Variants in DLG2 observed in about 807,000 individuals in gnomAD.
The protein encoded by DLG2 is disks large homolog 2.
DLG2 carries 45 observed loss-of-function variants against 132.5 expected under a neutral mutation model. The ratio of observed to expected loss-of-function variants is 0.34; its 90% CI spans 0.27 to 0.44. The LOEUF (loss-of-function observed/expected upper bound fraction) is 0.44. Among genes scored for constraint, DLG2 ranks in the 20% least tolerant of loss-of-function variants. The pLI, the probability that DLG2 is intolerant of heterozygous loss-of-function variation, is 1.00. For missense variants in DLG2, 1,045 were observed against 1,196.9 expected (o/e 0.87, Z 1.87); for synonymous variants, 424 against 419.6 (o/e 1.01, Z -0.13).
intron 4 of DLG2, among the ~76,000 whole-genome samples, chr11:85,209,445 CTTTTTTTTTT>C (rs1164394816): frequency 1.3e-5 from 1 of 74,434 alleles, no homozygotes; most frequent in Admixed American, 2.0e-4. Flanking sequence ...AGAAATCAGT[CTTTTTTTTTT>C]TTTTTTTTTT....
chr11:83,822,899 G>T (rs1319300172), intron 17 of DLG2, among the ~76,000 whole-genome samples: 2 of 152,214 alleles, frequency 1.3e-5, no homozygotes, highest in East Asian at 3.9e-4. Flanking sequence ...AGAGGTAAGG[G>T]AGCTTGTCAT....
intron 11 of DLG2, among the ~76,000 whole-genome samples, chr11:84,001,330 A>G (rs1280316294): frequency 6.6e-6 from 1 of 151,470 alleles, no homozygotes; most frequent in Non-Finnish European, 1.5e-5. Flanking sequence ...AAGTAAAAAA[A>G]AAAAAACAGT....
chr11:84,542,732 A>G (rs1365884874), intron 6 of DLG2, among the ~76,000 whole-genome samples: 3 of 152,242 alleles, frequency 2.0e-5, no homozygotes, highest in African/African-American at 7.2e-5. Context: ...AGAAAAAAAC[A>G]GAAAACCAAA....
At chr11:84,469,241 G>A (rs1567715642) in intron 7 of DLG2, among the ~76,000 whole-genome samples, 1 of 151,552 alleles carries the variant, frequency 6.6e-6, no homozygotes, top group Non-Finnish European at 1.5e-5. Flanking sequence ...ATGAGTTTGA[G>A]GAAGAACACA....
chr11:83,663,387 T>A (rs1247545149), intron 18 of DLG2, among the ~76,000 whole-genome samples: 2 of 152,156 alleles, frequency 1.3e-5, no homozygotes, highest in Non-Finnish European at 2.9e-5. Flanking sequence ...TAAGAGTTGT[T>A]TGTATTTCTC....
At chr11:84,527,499 G>T (rs1400079504) in intron 7 of DLG2, among the ~76,000 whole-genome samples, 3 of 151,870 alleles carry the variant, frequency 2.0e-5, no homozygotes, top group Non-Finnish European at 4.4e-5. Context: ...GTTGTCTCAG[G>T]GTATTGAAGT....
At chr11:84,664,216 C>G (rs1395485218) in intron 6 of DLG2, among the ~76,000 whole-genome samples, 1 of 152,124 alleles carries the variant, frequency 6.6e-6, no homozygotes, top group African/African-American at 2.4e-5. Context: ...CTGTGAATGA[C>G]ATTTGTGTAC....
intron 3 of DLG2, among the ~76,000 whole-genome samples, chr11:85,526,404 T>G (rs911604832): frequency 6.6e-6 from 1 of 151,758 alleles, no homozygotes; most frequent in Admixed American, 6.6e-5. Flanking sequence ...TTTAAAGACC[T>G]GACAGAAAAA....
intron 7 of DLG2, among the ~76,000 whole-genome samples, chr11:84,330,982 T>C (rs1255215057): frequency 6.6e-6 from 1 of 152,214 alleles, no homozygotes; most frequent in African/African-American, 2.4e-5. Flanking sequence ...TTACAGATCC[T>C]AAGGAAAGGA....
chr11:84,018,576 A>T (rs1334156100), intron 11 of DLG2, among the ~76,000 whole-genome samples: 1 of 152,026 alleles, frequency 6.6e-6, no homozygotes, highest in Non-Finnish European at 1.5e-5. Flanking sequence ...TACTTGCTTT[A>T]TTATAAAAGG....
chr11:85,390,474 G>C (rs1038540137), intron 3 of DLG2, among the ~76,000 whole-genome samples: 8 of 152,114 alleles, frequency 5.3e-5, no homozygotes, highest in Non-Finnish European at 1.2e-4. Flanking sequence ...AGAAAGAGTG[G>C]ACTTAAAGTA....
intron 6 of DLG2, among the ~76,000 whole-genome samples, chr11:84,758,507 CT>C (rs1246370860): frequency 2.0e-5 from 3 of 152,020 alleles, no homozygotes; most frequent in Admixed American, 2.0e-4. Flanking sequence ...GAACTGATTC[CT>C]TTATATTTTC....
At chr11:83,554,110 C>T (rs1317085579) in intron 19 of DLG2, among the ~76,000 whole-genome samples, 2 of 151,980 alleles carry the variant, frequency 1.3e-5, no homozygotes, top group African/African-American at 4.8e-5. Context: ...TCTTGAGGCC[C>T]TGGGTTCAAG....
chr11:85,337,270 G>C (rs2082197787), intron 3 of DLG2, among the ~76,000 whole-genome samples: 1 of 151,734 alleles, frequency 6.6e-6, no homozygotes. Flanking sequence ...TTTTTGTAGA[G>C]ACAATGTCTC....
At chr11:84,638,762 A>G (rs2099645091) in intron 6 of DLG2, among the ~76,000 whole-genome samples, 1 of 152,148 alleles carries the variant, frequency 6.6e-6, no homozygotes, top group Admixed American at 6.6e-5. Context: ...TTATCTTCAG[A>G]AATTATTAGT....
chr11:84,530,506 C>G (rs181464237), intron 7 of DLG2, among the ~76,000 whole-genome samples: 347 of 152,080 alleles, frequency 2.3e-3, no homozygotes, highest in Non-Finnish European at 3.5e-3. Flanking sequence ...TATATGCAGC[C>G]AAGAAGCATA....
At chr11:83,480,450 GC>G in intron 22 of DLG2, 1 of 1,525,022 alleles carries the variant, frequency 6.6e-7, no homozygotes, top group Non-Finnish European at 8.8e-7. Context: ...GAGATACCAA[GC>G]ATTGAAGAGC....
intron 3 of DLG2, among the ~76,000 whole-genome samples, chr11:85,374,734 A>G (rs983031057): frequency 6.6e-6 from 1 of 152,230 alleles, no homozygotes; most frequent in African/African-American, 2.4e-5. Context: ...ACCTCACCCT[A>G]ACTACAAAGA....
chr11:84,484,428 AT>A (rs2099145820), intron 7 of DLG2, among the ~76,000 whole-genome samples: 1 of 152,132 alleles, frequency 6.6e-6, no homozygotes, highest in African/African-American at 2.4e-5. Flanking sequence ...GGATACTGAG[AT>A]TTTGTGGTTA....
Sources: allele counts gnomAD v4.1 joint callset (sites outside exome capture counted in the v4.1 genomes callset), GRCh38; gene constraint gnomAD v4.1.1; transcripts MANE v1.5; gene names NCBI Gene and HGNC (gene_info 2026-07-23, HGNC 2026-07-21).